RAPGEF5: variants seen among roughly 807,000 people sequenced by gnomAD.
RAPGEF5 encodes the protein Rap guanine nucleotide exchange factor 5.
In RAPGEF5, 65 loss-of-function variants were observed where a neutral mutation model predicts 125.2. That is an observed-to-expected ratio of 0.52 (90% CI 0.43 to 0.64). The LOEUF (loss-of-function observed/expected upper bound fraction) is 0.64. RAPGEF5 is among the 30% of genes least tolerant of loss of function. The pLI is 0.00. For synonymous variants in RAPGEF5, 391 were observed against 385.9 expected, an observed-to-expected ratio of 1.01 and a Z score of -0.16; for missense variants, 958 against 1,048.1, an observed-to-expected ratio of 0.91 and a Z score of 1.19.
At chr7:22,194,488 T>C (rs935491951) in intron 9 of RAPGEF5, 34 of 706,984 alleles carry the variant, frequency 4.8e-5, no homozygotes, top group Non-Finnish European at 5.9e-5. Flanking sequence ...GTAAGCCCTA[T>C]TCAGTAGTTG....
intron 8 of RAPGEF5, among the ~76,000 whole-genome samples, chr7:22,222,843 C>T (rs1222603530): frequency 6.6e-6 from 1 of 152,080 alleles, no homozygotes; most frequent in Non-Finnish European, 1.5e-5. Context: ...TGGCTTGGAA[C>T]TTGTGCTAGT....
At chr7:22,259,806 T>C (rs945710815) in intron 7 of RAPGEF5, among the ~76,000 whole-genome samples, 5 of 152,184 alleles carry the variant, frequency 3.3e-5, no homozygotes, top group African/African-American at 1.2e-4. Context: ...AGTAAAAAGA[T>C]TAATGGTTGT....
chr7:22,347,263 T>C (rs750044732), intron 1 of RAPGEF5, among the ~76,000 whole-genome samples: 15 of 152,188 alleles, frequency 9.9e-5, no homozygotes, highest in Non-Finnish European at 1.6e-4. Context: ...GCAATATCAG[T>C]GTTCATATAG....
rs374916120 is a variant in RAPGEF5, at chr7:22,225,120, T to C, written c.871-5129A>G. Among the ~76,000 whole-genome samples, 34 of 152,248 alleles carry C rather than the reference T, an allele frequency of 2.2e-4. No individual in the cohort carries two copies. The East Asian group carries it at 3.1e-3, about 14-fold the overall frequency. On this transcript the variant is annotated intron_variant, in intron 8 of 25. Transcript: ENST00000665637. ...CTGCAGTGAGCTATGATCACACCAATGCACTCCAGCCTGGGCAAAAGAGTG... is the reference window on the plus strand; with the variant it reads ...CTGCAGTGAGCTATGATCACACCAACGCACTCCAGCCTGGGCAAAAGAGTG...
chr7:22,130,557 C>A (rs1692067062), intron 24 of RAPGEF5, among the ~76,000 whole-genome samples: 1 of 152,196 alleles, frequency 6.6e-6, no homozygotes, highest in African/African-American at 2.4e-5. Context: ...CCTGCAAATT[C>A]CAGCCTCACA....
intron 22 of RAPGEF5, among the ~76,000 whole-genome samples, chr7:22,136,446 A>C (rs894799739): frequency 1.6e-4 from 24 of 152,270 alleles, no homozygotes; most frequent in African/African-American, 5.3e-4. Flanking sequence ...TCATGAATTA[A>C]CCCAAAGTCT....
chr7:22,151,055 A>G (rs891418188), intron 17 of RAPGEF5, among the ~76,000 whole-genome samples: 2 of 152,208 alleles, frequency 1.3e-5, no homozygotes, highest in Non-Finnish European at 2.9e-5. Flanking sequence ...AATTGGTTAT[A>G]TGATAGTTCA....
intron 1 of RAPGEF5, among the ~76,000 whole-genome samples, chr7:22,352,307 A>T (rs1377664673): frequency 6.6e-6 from 1 of 152,210 alleles, no homozygotes; most frequent in Non-Finnish European, 1.5e-5. Context: ...GATGAGAAAG[A>T]CTTAAAAAGA....
At chr7:22,244,872 A>G (rs960213272) in intron 7 of RAPGEF5, among the ~76,000 whole-genome samples, 1 of 152,158 alleles carries the variant, frequency 6.6e-6, no homozygotes, top group African/African-American at 2.4e-5. Flanking sequence ...TCATATGGTA[A>G]TTACATTTCT....
At chr7:22,310,116 G>A in intron 3 of RAPGEF5, 26 bp from the exon 4 acceptor site, 1 of 1,499,574 alleles carries the variant, frequency 6.7e-7, no homozygotes, top group Middle Eastern at 1.8e-4. Context: ...GCCATTCACA[G>A]TAAGATATTG....
rs1783824441 is a variant in RAPGEF5 at position 22,156,819 on chromosome 7, T to C, written c.1627A>G (p.Thr543Ala). The C allele has an allele frequency of 1.2e-5, 20 of 1,613,936 alleles. No individual in the cohort carries two copies. Among genetic ancestry groups the C allele is most frequent in the Non-Finnish European group, 1.7e-5 (20 of 1,179,846 alleles). ...WLQHRGTVTE[T>A]EEIFCHVYIT... ...TTCAAACCATACTCACTTTCCTCCG[T>C]TTCAGTCACAGTTCCTCTATGCTGG... The change falls in exon 16 of 26, where the codon ACG becomes GCG. Residue 543 changes from threonine (T) to alanine (A), a missense_variant. Physicochemically the swap from Thr to Ala is moderately conservative, Grantham distance 58. Coordinates refer to ENST00000665637, the MANE Select transcript of RAPGEF5 (RefSeq NM_012294.5).
intron 5 of RAPGEF5, among the ~76,000 whole-genome samples, chr7:22,300,049 AT>A (rs1196887875): frequency 6.8e-6 from 1 of 147,954 alleles, no homozygotes; most frequent in African/African-American, 2.5e-5. Flanking sequence ...TTTCGTCATT[AT>A]TTAAAAGTTT....
At chr7:22,197,894 G>GGGGC (rs57610596) in intron 9 of RAPGEF5, among the ~76,000 whole-genome samples, 1 of 21,348 alleles carries the variant, frequency 4.7e-5, no homozygotes, top group Non-Finnish European at 1.1e-4. Flanking sequence ...CTTTTTTTTT[G>GGGGC]GGGGGGGGTG....
chr7:22,135,975 TAGTTAC>T, intron 23 of RAPGEF5, 57 bp downstream of exon 23: 1 of 1,352,028 alleles, frequency 7.4e-7, no homozygotes, highest in Non-Finnish European at 1.0e-6. Flanking sequence ...TTGCCCTCAA[TAGTTAC>T]AGTAATAAAT....
chr7:22,289,792 C>T (rs1047352595), intron 6 of RAPGEF5, among the ~76,000 whole-genome samples: 37 of 152,074 alleles, frequency 2.4e-4, no homozygotes, highest in Non-Finnish European at 2.9e-4. Flanking sequence ...GATTGTATCA[C>T]GGGGGCAGTT....
intron 7 of RAPGEF5, among the ~76,000 whole-genome samples, chr7:22,246,339 T>C (rs527386365): frequency 8.5e-5 from 13 of 152,310 alleles, no homozygotes; most frequent in African/African-American, 3.1e-4. Flanking sequence ...ATTATAAGGC[T>C]ACAGTTACCA....
chr7:22,338,624 T>C (rs1784068657), intron 1 of RAPGEF5, among the ~76,000 whole-genome samples: 1 of 152,230 alleles, frequency 6.6e-6, no homozygotes, highest in Admixed American at 6.5e-5. Context: ...CCTGGGAGGA[T>C]GACACTTTGT....
intron 8 of RAPGEF5, among the ~76,000 whole-genome samples, chr7:22,229,516 A>G (rs1786007025): frequency 6.6e-6 from 1 of 152,242 alleles, no homozygotes; most frequent in South Asian, 2.1e-4. Context: ...ATGTATATAC[A>G]TCAATCAAAT....
intron 5 of RAPGEF5, among the ~76,000 whole-genome samples, chr7:22,307,037 T>C (rs1562520655): frequency 6.6e-6 from 1 of 152,234 alleles, no homozygotes; most frequent in Non-Finnish European, 1.5e-5. Context: ...CTATTCCGGA[T>C]CTTTTGTGGT....
Sources: gnomAD v4.1 joint callset for allele counts (sites outside exome capture counted in the v4.1 genomes callset) on GRCh38, gnomAD v4.1.1 for gene constraint, MANE v1.5 for transcripts, NCBI Gene and HGNC (gene_info 2026-07-23, HGNC 2026-07-21) for gene names.